The following NDUFS2 variants were observed in gnomAD, a reference collection of about 807,000 sequenced individuals.
NDUFS2 encodes NADH dehydrogenase [ubiquinone] iron-sulfur protein 2, mitochondrial.
A neutral mutation model predicts 69.6 loss-of-function variants in NDUFS2; 38 were observed. The ratio of observed to expected loss-of-function variants is 0.55; its 90% confidence interval spans 0.42 to 0.72. The LOEUF is 0.72. Ranked by LOEUF, NDUFS2 falls within the 30% of genes least tolerant of loss-of-function variation. The pLI is 0.00. For synonymous variants in NDUFS2, 194 were observed against 211.2 expected, an observed-to-expected ratio of 0.92 and a Z score of 0.70; for missense variants, 468 against 595.0, an observed-to-expected ratio of 0.79 and a Z score of 2.22.
intron 2 of NDUFS2, among the ~76,000 whole-genome samples, chr1:161,204,768 T>G (rs1558082702): frequency 1.3e-5 from 2 of 152,086 alleles, no homozygotes; most frequent in Non-Finnish European, 2.9e-5. Context: ...TCTAAGGAGA[T>G]TAAAACTTGA....
rs1136224 is a variant in NDUFS2, at chr1:161,214,307, A to G, written c.*114A>G. 167,019 of 900,098 alleles carry G rather than the reference A, an allele frequency of 0.19. 15,774 individuals are homozygous for G. The highest frequency in any genetic ancestry group is 0.33 in the East Asian group (11,543 of 34,890). The allele number at this position is 900,098 out of a possible 1,614,324, so 55.8% of individuals were successfully genotyped here. On this transcript the variant is annotated 3_prime_UTR_variant, in exon 14 of 14. Coordinates refer to ENST00000676972, the MANE Select transcript of NDUFS2 (RefSeq NM_001377299.1). ...TGTGTGTGTGTGTGTGTGTATGTTC[A>G]TGTACACTTGGCTGTCAGGCTTTCT... is the stretch of plus-strand genomic sequence containing the variant.
At chr1:161,210,816 C>T (rs758073872) in intron 9 of NDUFS2, 106 bp downstream of exon 9, 117 of 1,535,114 alleles carry the variant, frequency 7.6e-5, no homozygotes, top group African/African-American at 1.4e-5. Context: ...TCTGTGGGAG[C>T]TCTTGTGTGT....
Position 161,209,948 on chromosome 1 carries a change from C to T in NDUFS2, c.702+17C>T. 6.2e-7 allele frequency: 1 copy of T among 1,613,886 alleles called. No homozygotes were observed. The highest frequency in any genetic ancestry group is 1.7e-5 in the Admixed American group (1 of 59,968). On this transcript the variant is annotated intron_variant, in intron 6 of 13. Coordinates refer to ENST00000676972, the MANE Select transcript of NDUFS2 (RefSeq NM_001377299.1). ...GTGCACCAGGTGAGCAGGTCCCCGG[C>T]TTCCCCAAATGTCCAGCCCAGGCCT... is the stretch of plus-strand genomic sequence containing the variant.
chr1:161,201,863 C>G (rs1424055912), upstream of NDUFS2, among the ~76,000 whole-genome samples: 2 of 152,224 alleles, frequency 1.3e-5, no homozygotes, highest in Non-Finnish European at 2.9e-5. Flanking sequence ...ACTTAGGCTC[C>G]TTTCTCCAAT....
At chr1:161,213,505 T>C (rs746627229) in intron 11 of NDUFS2, 30 bp downstream of exon 11, 1 of 1,573,740 alleles carries the variant, frequency 6.4e-7, no homozygotes, top group Admixed American at 1.7e-5. Flanking sequence ...GAAAAGACCA[T>C]ATGTAGAGTA....
chr1:161,202,057 G>C (rs1665154957), upstream of NDUFS2: 1 of 437,548 alleles, frequency 2.3e-6, no homozygotes, highest in Non-Finnish European at 4.3e-6. Flanking sequence ...GAAGCGCCGC[G>C]CGTTTCCAAG....
chr1:161,203,130 A>C (rs1275334555), intron 1 of NDUFS2, among the ~76,000 whole-genome samples: 1 of 152,056 alleles, frequency 6.6e-6, no homozygotes, highest in African/African-American at 2.4e-5. Flanking sequence ...AAAATGGAGA[A>C]ACCCCCGTCT....
chr1:161,209,663 C>T, intron 5 of NDUFS2, 68 bp downstream of exon 5: 1 of 1,358,444 alleles, frequency 7.4e-7, no homozygotes, highest in South Asian at 1.2e-5. Context: ...ATAAAGGAGA[C>T]AGGAGATTAA....
rs781658351 is a variant in NDUFS2 at position 161,206,411 on chromosome 1, G to C, written c.207G>C (p.Val69=). ...AHWKPPPWND[V]DPPKDTIVKN... The stretch of plus-strand genomic sequence containing the variant: ...GAACTATTTCTTACTTCTCAGATGT[G>C]GACCCTCCAAAGGACACAATTGTGA... The change falls in exon 3 of 14, where the codon GTG becomes GTC. Residue 69 remains valine, a synonymous_variant. Transcript: ENST00000676972. 1 of 1,614,184 alleles carries C rather than the reference G, an allele frequency of 6.2e-7. No individual in the cohort carries two copies. Among genetic ancestry groups the C allele is most frequent in the Non-Finnish European group, 8.5e-7 (1 of 1,180,022 alleles).
intron 3 of NDUFS2, among the ~76,000 whole-genome samples, chr1:161,207,710 C>T (rs1382201895): frequency 6.9e-6 from 1 of 144,126 alleles, no homozygotes; most frequent in East Asian, 2.0e-4. Context: ...GCCTGGGCAA[C>T]AGAGCAAGAC....
At chr1:161,213,102 A>G (rs866103670) in intron 10 of NDUFS2, 2 of 374,756 alleles carry the variant, frequency 5.3e-6, no homozygotes, top group Non-Finnish European at 1.0e-5. Flanking sequence ...ACGGGGTTTC[A>G]CTCTGTTGGC....
rs559624649 is a variant in NDUFS2, at chr1:161,202,404, T to C, written c.19T>C (p.Leu7=). The C allele has an allele frequency of 2.5e-6, 4 of 1,612,646 alleles. No individual in the cohort carries two copies. The highest frequency in any genetic ancestry group is 3.3e-5 in the Admixed American group (2 of 59,882). Residue 7 remains leucine, a synonymous_variant, in exon 1 of 14, where the codon TTG becomes CTG. Coordinates refer to ENST00000676972, the MANE Select transcript of NDUFS2 (RefSeq NM_001377299.1). The part of the protein sequence containing the change: MAALRA[L]CGFRGVAAQV... ...GAGTAAGATGGCGGCGCTGAGGGCT[T>C]TGTGCGGCTTCCGGGGCGTCGCGGC...
At chr1:161,209,121 C>T (rs1225119556) in intron 3 of NDUFS2, 72 bp from the exon 4 acceptor site, 1 of 1,608,646 alleles carries the variant, frequency 6.2e-7, no homozygotes, top group Non-Finnish European at 8.5e-7. Context: ...CGACTGAGAG[C>T]AAGGCTTCAG....
At chr1:161,205,320 A>T (rs1419781040) in intron 2 of NDUFS2, among the ~76,000 whole-genome samples, 1 of 152,212 alleles carries the variant, frequency 6.6e-6, no homozygotes, top group Non-Finnish European at 1.5e-5. Context: ...ACTTTGTCCC[A>T]GTACTAATCA....
At chr1:161,197,792 C>T (rs1418626970), upstream of NDUFS2, among the ~76,000 whole-genome samples, 1 of 151,910 alleles carries the variant, frequency 6.6e-6, no homozygotes, top group East Asian at 1.9e-4. Flanking sequence ...TGAGAACCCT[C>T]GGTGGGTCTG....
upstream of NDUFS2, chr1:161,197,937 T>G: frequency 6.6e-7 from 1 of 1,508,792 alleles, no homozygotes. Flanking sequence ...TGAATAGGGG[T>G]CAGTAGGACA....
chr1:161,210,850 C>A, intron 9 of NDUFS2, 140 bp downstream of exon 9: 2 of 1,270,084 alleles, frequency 1.6e-6, no homozygotes, highest in Non-Finnish European at 1.1e-6. Context: ...GCTCTCAAAA[C>A]ACTTTCACAT....
intron 2 of NDUFS2, among the ~76,000 whole-genome samples, chr1:161,204,659 G>T (rs77017891): frequency 8.9e-4 from 136 of 152,254 alleles, no homozygotes; most frequent in African/African-American, 3.1e-3. Context: ...AACAATAGCT[G>T]AGTGCTTACC....
chr1:161,210,448 C>CTAA (rs1665709329), intron 8 of NDUFS2, 59 bp downstream of exon 8: 1 of 1,600,430 alleles, frequency 6.2e-7, no homozygotes, highest in African/African-American at 1.3e-5. Flanking sequence ...GAGTTCCAGC[C>CTAA]TAATATCTTG....
Sources: gnomAD v4.1 joint callset for allele counts (sites outside exome capture counted in the v4.1 genomes callset) on GRCh38, gnomAD v4.1.1 for gene constraint, MANE v1.5 for transcripts, NCBI Gene and HGNC (gene_info 2026-07-23, HGNC 2026-07-21) for gene names.